Variants in MED12L observed in about 807,000 individuals in gnomAD.
MED12L encodes the protein mediator complex subunit 12L.
MED12L carries 60 observed loss-of-function variants against 281.3 expected under a neutral mutation model. That is an observed-to-expected ratio of 0.21 (90% confidence interval 0.17 to 0.26). MED12L has a LOEUF of 0.26. Ranked by LOEUF, MED12L falls within the 10% of genes least tolerant of loss-of-function variation. The probability of loss-of-function intolerance (pLI) is 1.00; values close to 1 mark genes in which losing one functional copy is unlikely to be tolerated. For missense variants in MED12L, 2,146 were observed against 2,680.9 expected (o/e 0.80, Z 4.41); for synonymous variants, 974 against 987.2 (o/e 0.99, Z 0.25).
chr3:151,384,379 G>T (rs1712941239), intron 35 of MED12L, among the ~76,000 whole-genome samples, 161 bp downstream of exon 35: 1 of 152,096 alleles, frequency 6.6e-6, no homozygotes, highest in South Asian at 2.1e-4. Flanking sequence ...GTACCCAGAA[G>T]TTACATGCAC....
intron 16 of MED12L, among the ~76,000 whole-genome samples, chr3:151,296,586 C>T (rs914482828): frequency 7.2e-6 from 1 of 138,154 alleles, no homozygotes; most frequent in African/African-American, 2.5e-5. Flanking sequence ...ACTCAATCTT[C>T]CTTCCTTCTT....
chr3:151,376,475 G>A (rs765899646), intron 28 of MED12L, among the ~76,000 whole-genome samples: 20 of 152,152 alleles, frequency 1.3e-4, no homozygotes, highest in Non-Finnish European at 2.5e-4. Context: ...GAGGGGCTAT[G>A]TTAAATATAT....
chr3:151,289,011 T>A (rs1362383602), intron 16 of MED12L, among the ~76,000 whole-genome samples: 1 of 152,012 alleles, frequency 6.6e-6, no homozygotes, highest in East Asian at 1.9e-4. Context: ...AATAATAAAC[T>A]CCATGACATT....
At chr3:151,395,421 T>C (rs1714834917) in intron 39 of MED12L, among the ~76,000 whole-genome samples, 1 of 152,204 alleles carries the variant, frequency 6.6e-6, no homozygotes. Flanking sequence ...TCTTGATTTA[T>C]ATTTCTATTT....
At chr3:151,281,232 CAAAAA>C (rs35035320) in intron 16 of MED12L, among the ~76,000 whole-genome samples, 1 of 49,940 alleles carries the variant, frequency 2.0e-5, no homozygotes, top group Non-Finnish European at 3.6e-5. Context: ...ACCAAAAATA[CAAAAA>C]AAAAAAAAAA....
In MED12L at chr3:151,368,639, C is replaced by T. The variant is rs148046900; in HGVS notation, c.3550+388C>T. ...TATTTTATTTTATTTTATTTCATTT[C>T]ATTTCATTTCATTTCATTTCATTTC... On this transcript the variant is annotated intron_variant, in intron 25 of 44. Coordinates refer to ENST00000687756, the MANE Select transcript of MED12L (RefSeq NM_001393769.1). 9.3e-3 allele frequency among the ~76,000 whole-genome samples: 507 copies of T among 54,578 alleles called. 3 individuals are homozygous for T. The highest frequency in any genetic ancestry group is 0.028 in the African/African-American group (360 of 12,794). The allele number at this position is 54,578 out of a possible 152,430, so 35.8% of individuals were successfully genotyped here.
At chr3:151,106,832 T>G (rs1722135616) in intron 2 of MED12L, among the ~76,000 whole-genome samples, 1 of 152,210 alleles carries the variant, frequency 6.6e-6, no homozygotes, top group African/African-American at 2.4e-5. Flanking sequence ...TACAGCTACT[T>G]CAACTCTTTT....
intron 16 of MED12L, among the ~76,000 whole-genome samples, chr3:151,298,960 A>C (rs1489678796): frequency 6.6e-6 from 1 of 152,226 alleles, no homozygotes; most frequent in Non-Finnish European, 1.5e-5. Flanking sequence ...ATGCTGGTTT[A>C]GCCTCTTAAT....
At chr3:151,171,900 A>G (rs1394048148) in intron 11 of MED12L, among the ~76,000 whole-genome samples, 5 of 152,122 alleles carry the variant, frequency 3.3e-5, no homozygotes. Context: ...TCCTCACCTT[A>G]TGCACATTAT....
At chr3:151,317,435 A>AATTT (rs1748411128) in intron 16 of MED12L, among the ~76,000 whole-genome samples, 1 of 54,552 alleles carries the variant, frequency 1.8e-5, no homozygotes, top group Non-Finnish European at 3.8e-5. Flanking sequence ...TAATCATATC[A>AATTT]CTTTTTTTTT....
At chr3:151,114,496 A>G (rs980191729) in intron 2 of MED12L, among the ~76,000 whole-genome samples, 4 of 152,186 alleles carry the variant, frequency 2.6e-5, no homozygotes, top group Non-Finnish European at 5.9e-5. Context: ...TTCTTGATTA[A>G]TCATAGCGGT....
chr3:151,099,333 G>A (rs1721118476), intron 2 of MED12L, among the ~76,000 whole-genome samples: 1 of 152,112 alleles, frequency 6.6e-6, no homozygotes, highest in Non-Finnish European at 1.5e-5. Flanking sequence ...GATCTATTAA[G>A]CTTTTATTTA....
At chr3:151,342,088 T>C (rs562602677) in intron 16 of MED12L, among the ~76,000 whole-genome samples, 12 of 152,338 alleles carry the variant, frequency 7.9e-5, no homozygotes, top group Admixed American at 2.6e-4. Flanking sequence ...TTTGGGTATA[T>C]ACCCAGTAAT....
At chr3:151,275,802 G>A (rs188563434) in intron 16 of MED12L, among the ~76,000 whole-genome samples, 2 of 152,290 alleles carry the variant, frequency 1.3e-5, no homozygotes, top group East Asian at 1.9e-4. Context: ...TAGTTTGGTT[G>A]TAGGTATTTT....
intron 16 of MED12L, among the ~76,000 whole-genome samples, chr3:151,302,846 C>T (rs1162198524): frequency 6.6e-6 from 1 of 152,152 alleles, no homozygotes; most frequent in East Asian, 1.9e-4. Context: ...GAGAAAGGTA[C>T]ATTTCTGTCC....
At chr3:151,096,836 TGTAAACAGCCTCCCCTTCTGGTA>T (rs556470748) in intron 2 of MED12L, among the ~76,000 whole-genome samples, 1 of 152,362 alleles carries the variant, frequency 6.6e-6, no homozygotes, top group African/African-American at 2.4e-5. Context: ...TTGGCCTGTC[TGTAAACAGCCTCCCCTTCTGGTA>T]AACACCCTCA....
intron 16 of MED12L, chr3:151,327,769 C>A: frequency 2.7e-6 from 1 of 374,400 alleles, no homozygotes; most frequent in Non-Finnish European, 4.7e-6. Flanking sequence ...AAATAATGAC[C>A]TCTAGTGGCC....
At chr3:151,147,354 TAAA>T (rs1560093459) in intron 5 of MED12L, among the ~76,000 whole-genome samples, 1 of 152,242 alleles carries the variant, frequency 6.6e-6, no homozygotes, top group South Asian at 2.1e-4. Context: ...ATTTGAATAT[TAAA>T]AAACCAGCTT....
intron 27 of MED12L, among the ~76,000 whole-genome samples, chr3:151,375,053 T>C (rs568826786): frequency 2.0e-5 from 3 of 152,368 alleles, no homozygotes; most frequent in African/African-American, 4.8e-5. Flanking sequence ...GATAGCTACA[T>C]AGTCATATAA....
Sources: allele counts gnomAD v4.1 joint callset (sites outside exome capture counted in the v4.1 genomes callset), GRCh38; gene constraint gnomAD v4.1.1; transcripts MANE v1.5; gene names NCBI Gene and HGNC (gene_info 2026-07-23, HGNC 2026-07-21).